TBC1D8B: variants seen among roughly 807,000 people sequenced by gnomAD.
TBC1D8B encodes the protein TBC1 domain family member 8B.
Under a neutral mutation model 82.9 loss-of-function variants are expected in TBC1D8B, and 75 were observed. The observed-to-expected ratio is 0.90, with a 90% CI of 0.75 to 1.10. The LOEUF is 1.10. Ranked by LOEUF, TBC1D8B falls within the 50% of genes least tolerant of loss-of-function variation. The pLI is 0.00. For synonymous variants in TBC1D8B, 276 were observed against 276.8 expected (o/e 1.00, Z 0.03); for missense variants, 794 against 796.9 (o/e 1.00, Z 0.04).
Position 106,854,285 on chromosome X carries a change from A to G in TBC1D8B, c.2341A>G (p.Lys781Glu). 8.5e-7 allele frequency: 1 copy of G among 1,176,542 alleles called. No homozygotes were observed. The highest frequency in any genetic ancestry group is 1.1e-6 in the Non-Finnish European group (1 of 878,254). ...YVIQTLEETTKQNVLRVVSQD... is the reference protein window; with the variant it reads ...YVIQTLEETTEQNVLRVVSQD... The stretch of plus-strand genomic sequence containing the variant: ...GATACAGACCCTAGAGGAAACAACA[A>G]AACAGAATGTGGTAAGTATGCAACC... The change falls in exon 14 of 21, where the codon AAA becomes GAA. Residue 781 changes from lysine (K) to glutamate (E), a missense_variant. By Grantham distance (56) the Lys-to-Glu change is moderately conservative. Coordinates refer to ENST00000357242, the MANE Select transcript of TBC1D8B (RefSeq NM_017752.3).
intron 5 of TBC1D8B, among the ~76,000 whole-genome samples, chrX:106,824,815 G>T (rs944390281): frequency 9.0e-6 from 1 of 110,851 alleles, no homozygotes; most frequent in East Asian, 2.8e-4. Context: ...AATTTATTGG[G>T]ACTTAGTCTC....
At chrX:106,823,551 C>G (rs1302183803) in intron 5 of TBC1D8B, 85 bp downstream of exon 5, 6 of 1,042,249 alleles carry the variant, frequency 5.8e-6, no homozygotes, top group African/African-American at 1.9e-5. Flanking sequence ...AAAGTTAACT[C>G]TTCTATATTA....
At chrX:106,837,424 C>T (rs1181813405) in intron 7 of TBC1D8B, among the ~76,000 whole-genome samples, 1 of 111,060 alleles carries the variant, frequency 9.0e-6, no homozygotes, top group Non-Finnish European at 1.9e-5. Flanking sequence ...AAGAAATGGC[C>T]AATAAGCACA....
At chrX:106,855,939 G>A (rs1022539179) in intron 14 of TBC1D8B, among the ~76,000 whole-genome samples, 1 of 111,525 alleles carries the variant, frequency 9.0e-6, no homozygotes, top group African/African-American at 3.3e-5. Flanking sequence ...AGGAAGCTGC[G>A]ACGGGAGGAT....
chrX:106,863,343 C>T (rs901262333), intron 14 of TBC1D8B, among the ~76,000 whole-genome samples: 2 of 111,510 alleles, frequency 1.8e-5, no homozygotes, highest in Non-Finnish European at 3.8e-5. Context: ...TCACCTAGTC[C>T]ACCCCTGGGC....
chrX:106,844,523 A>G (rs1311226082), intron 10 of TBC1D8B, among the ~76,000 whole-genome samples: 2 of 105,953 alleles, frequency 1.9e-5, no homozygotes, highest in African/African-American at 6.8e-5. Flanking sequence ...ATATATATAT[A>G]CACACACACA....
intron 1 of TBC1D8B, 133 bp downstream of exon 1, chrX:106,803,116 C>T (rs779346640): frequency 8.0e-6 from 6 of 747,577 alleles, no homozygotes; most frequent in African/African-American, 2.2e-5. Flanking sequence ...GTTCTTCTCC[C>T]GACACCACCT....
rs1932870541 is a variant in TBC1D8B, at chrX:106,874,084, A to G, written c.*119A>G. On this transcript the variant is annotated 3_prime_UTR_variant, in exon 21 of 21. Coordinates refer to ENST00000357242, the MANE Select transcript of TBC1D8B (RefSeq NM_017752.3). ...TACCAATGTGTCTGAAGGCCAAAAT[A>G]TATATCCAGAAGCACAATGCATCAT... 5 of 697,286 alleles carry G rather than the reference A, an allele frequency of 7.2e-6. No individual in the cohort carries two copies. The highest frequency in any genetic ancestry group is 1.0e-5 in the Non-Finnish European group (5 of 490,746). The allele number at this position is 697,286 out of a possible 1,213,427, so 57.5% of individuals were successfully genotyped here.
At chrX:106,803,388 G>A (rs1177910589) in intron 1 of TBC1D8B, among the ~76,000 whole-genome samples, 2 of 110,965 alleles carry the variant, frequency 1.8e-5, no homozygotes, top group Non-Finnish European at 3.8e-5. Context: ...CAGCACCCTG[G>A]GGAGATTAAG....
Position 106,822,199 on chromosome X carries a change from G to A in TBC1D8B, c.583G>A (p.Glu195Lys), listed in dbSNP as rs146122931. The A allele has an allele frequency of 2.5e-6, 3 of 1,193,249 alleles. No homozygotes were observed. The highest frequency in any genetic ancestry group is 3.4e-6 in the Non-Finnish European group (3 of 887,145). ...LSFYSFLLGS[E>K]IKLIISWDEV... ...CTTCTATTCTTTTTTGTTGGGATCA[G>A]AAAGTAAGTGGTTTCTATTGCTTAC... Residue 195 changes from glutamate (E) to lysine (K), a missense_variant, in exon 4 of 21, where the codon GAA (glutamate) becomes AAA (lysine). Physicochemically the swap from Glu to Lys is moderately conservative, Grantham distance 56. Transcript: ENST00000357242.
Position 106,820,923 on chromosome X carries a change from A to C in TBC1D8B, c.288A>C (p.Gln96His). 8.4e-7 allele frequency: 1 copy of C among 1,190,959 alleles called. No homozygotes were observed. Among genetic ancestry groups the C allele is most frequent in the East Asian group, 3.0e-5 (1 of 33,100 alleles). The change falls in exon 3 of 21, where the codon CAA (glutamine) becomes CAC (histidine). Residue 96 changes from glutamine (Q) to histidine (H), a missense_variant. By Grantham distance (24) the Gln-to-His change is conservative. Transcript: ENST00000357242. ...CCAAGCATTGGGATTGGTTGGAACA[A>C]AATATTATGAAGACCTTATCTGTAT... is the stretch of plus-strand genomic sequence containing the variant. Reference protein sequence around the residue: ...EITKHWDWLEQNIMKTLSVFD... With the variant: ...EITKHWDWLEHNIMKTLSVFD...
At chrX:106,823,170 T>A (rs947749098) in intron 4 of TBC1D8B, 56 bp from the exon 5 acceptor site, 51 of 1,109,950 alleles carry the variant, frequency 4.6e-5, no homozygotes, top group Non-Finnish European at 6.0e-5. Flanking sequence ...AACTGATTAA[T>A]AAACATAAAT....
At position 106,874,152 on chromosome X, in the gene TBC1D8B, C is replaced by T; in HGVS notation, c.*187C>T. On this transcript the variant is annotated 3_prime_UTR_variant, in exon 21 of 21. Coordinates refer to ENST00000357242, the MANE Select transcript of TBC1D8B (RefSeq NM_017752.3). ...TGGGCTTTGTTAGCACTTTTTAAAA[C>T]AAACAAACAAACAAAACAAAAAAGC... 3.0e-6 allele frequency: 1 copy of T among 331,964 alleles called. No homozygotes were observed. Among genetic ancestry groups the T allele is most frequent in the Admixed American group, 5.8e-5 (1 of 17,166 alleles). 27.4% of individuals were successfully genotyped at this position (331,964 alleles called of 1,213,427 possible). A position where few individuals can be genotyped will look rare whatever the true frequency, so the allele number is the denominator to read the frequency against.
chrX:106,821,859 G>A (rs1014855678), intron 3 of TBC1D8B, 118 bp from the exon 4 acceptor site: 3 of 572,653 alleles, frequency 5.2e-6, no homozygotes, highest in African/African-American at 2.4e-5. Flanking sequence ...CCATGGATGA[G>A]GAACCCATGG....
intron 7 of TBC1D8B, among the ~76,000 whole-genome samples, chrX:106,838,135 G>T (rs1032153153): frequency 1.8e-5 from 2 of 110,921 alleles, no homozygotes; most frequent in African/African-American, 6.6e-5. Flanking sequence ...TAGATCTTTT[G>T]CCCACTTTTT....
chrX:106,827,064 A>G (rs1484959901), intron 6 of TBC1D8B, 106 bp from the exon 7 acceptor site: 3 of 914,918 alleles, frequency 3.3e-6, no homozygotes, highest in Non-Finnish European at 4.6e-6. Context: ...AAGTCATACT[A>G]TAGACCAAAA....
chrX:106,819,497 C>T (rs1243207494), intron 2 of TBC1D8B, among the ~76,000 whole-genome samples: 6 of 111,170 alleles, frequency 5.4e-5, no homozygotes, highest in Non-Finnish European at 1.1e-4. Flanking sequence ...GAAAAACTGC[C>T]TTTCTTCTTA....
At chrX:106,830,896 GTAAC>G (rs1174446678) in intron 7 of TBC1D8B, among the ~76,000 whole-genome samples, 1 of 108,163 alleles carries the variant, frequency 9.2e-6, no homozygotes, top group Non-Finnish European at 1.9e-5. Context: ...GTATACATAT[GTAAC>G]TAACCTGCAC....
chrX:106,870,757 C>A lies in TBC1D8B; in HGVS notation c.2911C>A (p.Gln971Lys), dbSNP rs1932843140. The change falls in exon 20 of 21, where the codon CAA becomes AAA. Residue 971 changes from glutamine (Q) to lysine (K), a missense_variant. Gln to Lys is a moderately conservative substitution (Grantham distance 53). Transcript: ENST00000357242. ...TATTCAAGCATATCTAAGTCAATGG[C>A]AAGATGAGCTTTTCAAAAAAGAAGA... ...IDIQAYLSQW[Q>K]DELFKKEENI... 1.7e-6 allele frequency: 2 copies of A among 1,204,185 alleles called. No homozygotes were observed. The highest frequency in any genetic ancestry group is 3.5e-5 in the African/African-American group (2 of 56,922).
Sources: allele counts gnomAD v4.1 joint callset (sites outside exome capture counted in the v4.1 genomes callset), GRCh38; gene constraint gnomAD v4.1.1; transcripts MANE v1.5; gene names NCBI Gene and HGNC (gene_info 2026-07-23, HGNC 2026-07-21).